Variants in TENM2 observed in about 807,000 individuals in gnomAD.
The protein encoded by TENM2 is teneurin-2.
TENM2 carries 52 observed loss-of-function variants against 245.2 expected under a neutral mutation model. The observed-to-expected ratio is 0.21, with a 90% CI of 0.17 to 0.27. The LOEUF is 0.27. Ranked by LOEUF, TENM2 falls within the 10% of genes least tolerant of loss-of-function variation. The probability of loss-of-function intolerance (pLI) is 1.00; values close to 1 mark genes in which losing one functional copy is unlikely to be tolerated. For missense variants in TENM2, 3,046 were observed against 3,666.8 expected (o/e 0.83, Z 4.37); for synonymous variants, 1,363 against 1,438.9 (o/e 0.95, Z 1.19).
At chr5:167,483,990 T>A (rs1423086335) in intron 2 of TENM2, among the ~76,000 whole-genome samples, 1 of 152,164 alleles carries the variant, frequency 6.6e-6, no homozygotes, top group Non-Finnish European at 1.5e-5. Context: ...TATGGGCTAG[T>A]GGGAGTGTAC....
At chr5:167,863,493 A>G in intron 2 of TENM2, among the ~76,000 whole-genome samples, 1 of 148,598 alleles carries the variant, frequency 6.7e-6, no homozygotes, top group African/African-American at 2.5e-5. Flanking sequence ...ACACACACAA[A>G]ATTAGCCAGG....
chr5:167,878,942 A>G (rs72835637), intron 3 of TENM2, among the ~76,000 whole-genome samples: 5,157 of 152,230 alleles, frequency 0.034, 133 homozygotes, highest in Middle Eastern at 0.068. Flanking sequence ...TTCTTAGGTG[A>G]AATAAAACAC....
chr5:167,719,916 C>G (rs78441995), intron 2 of TENM2, among the ~76,000 whole-genome samples: 5,086 of 152,054 alleles, frequency 0.033, 280 homozygotes, highest in African/African-American at 0.12. Context: ...GGTTGAGAAC[C>G]CTTGCTGTAG....
At chr5:168,034,110 CAT>C (rs1170431193) in intron 5 of TENM2, among the ~76,000 whole-genome samples, 14 of 113,370 alleles carry the variant, frequency 1.2e-4, no homozygotes, top group African/African-American at 5.8e-4. Flanking sequence ...TATATGTATA[CAT>C]ATATATGTGT....
chr5:167,996,614 C>T (rs1397293133), intron 5 of TENM2, among the ~76,000 whole-genome samples: 1 of 152,154 alleles, frequency 6.6e-6, no homozygotes, highest in Non-Finnish European at 1.5e-5. Flanking sequence ...CCAACCTCAC[C>T]TATTTTAGAC....
At position 167,627,508 on chromosome 5, in the gene TENM2, T is replaced by A. The variant is rs114275663; in HGVS notation, c.503-248478T>A. 7.0e-3 allele frequency among the ~76,000 whole-genome samples: 1,058 copies of A among 152,028 alleles called. 15 individuals carry two copies. Among genetic ancestry groups the A allele is most frequent in the African/African-American group, 0.024 (990 of 41,488 alleles). ...ATACACCCCAGTAAGTCTTTATAAATACAAGGCTTTGATTCCTTAAGACAG... is the reference window on the plus strand; with the variant it reads ...ATACACCCCAGTAAGTCTTTATAAAAACAAGGCTTTGATTCCTTAAGACAG... On this transcript the variant is annotated intron_variant, in intron 2 of 28. Transcript: ENST00000518659.
chr5:168,070,821 A>AGAGAGAGAG (rs1562121012), intron 7 of TENM2, among the ~76,000 whole-genome samples: 36 of 100,454 alleles, frequency 3.6e-4, no homozygotes, highest in African/African-American at 1.2e-3. Flanking sequence ...GAGAGAGAGA[A>AGAGAGAGAG]AAAAAGAAAG....
chr5:167,731,700 T>TG (rs1760450879), intron 2 of TENM2, among the ~76,000 whole-genome samples: 1 of 151,126 alleles, frequency 6.6e-6, no homozygotes, highest in African/African-American at 2.4e-5. Flanking sequence ...CTCAGAGGTT[T>TG]TTTTTTTTTT....
At chr5:167,619,842 C>G (rs1356999064) in intron 2 of TENM2, among the ~76,000 whole-genome samples, 2 of 152,040 alleles carry the variant, frequency 1.3e-5, no homozygotes, top group Non-Finnish European at 2.9e-5. Context: ...ATTTCAAGAC[C>G]TCTCTCTGTT....
In TENM2 at chr5:168,199,848, T is replaced by C. The variant is rs2152529627; in HGVS notation, c.3163-16T>C. 5 of 1,611,318 alleles carry C rather than the reference T, an allele frequency of 3.1e-6. No individual in the cohort carries two copies. Among genetic ancestry groups the C allele is most frequent in the South Asian group, 2.2e-5 (2 of 90,792 alleles). ...GTGTGTTTTAGGTGTGTGTCTGCCATGTGTTTCCTCTCCAGGTTCTTCATG... is the reference window on the plus strand; with the variant it reads ...GTGTGTTTTAGGTGTGTGTCTGCCACGTGTTTCCTCTCCAGGTTCTTCATG... On this transcript the variant is annotated splice_polypyrimidine_tract_variant and intron_variant, in intron 16 of 28. Transcript: ENST00000518659.
At chr5:167,994,194 T>A (rs2152016903) in intron 5 of TENM2, among the ~76,000 whole-genome samples, 1 of 152,386 alleles carries the variant, frequency 6.6e-6, no homozygotes, top group Middle Eastern at 3.4e-3. Flanking sequence ...CCTGCCCAGT[T>A]TGGCTGTGCC....
the TENM2 span, among the ~76,000 whole-genome samples, chr5:167,022,456 A>G: frequency 6.6e-6 from 1 of 152,224 alleles, no homozygotes; most frequent in African/African-American, 2.4e-5. Context: ...TATATCCCAT[A>G]CAATGTCTAG....
chr5:167,974,072 A>G (rs1343575993), intron 4 of TENM2, among the ~76,000 whole-genome samples: 4 of 5,480 alleles, frequency 7.3e-4, no homozygotes, highest in Non-Finnish European at 1.2e-3. Context: ...GGAGGGAGGG[A>G]GGAAGGAAGG....
intron 11 of TENM2, among the ~76,000 whole-genome samples, 195 bp downstream of exon 13, chr5:168,125,245 C>A (rs963007834): frequency 1.3e-5 from 2 of 152,182 alleles, no homozygotes; most frequent in African/African-American, 4.8e-5. Flanking sequence ...CAAAAAAGCA[C>A]TGGGTTGGTA....
the TENM2 span, among the ~76,000 whole-genome samples, chr5:166,992,059 ATTT>A: frequency 3.1e-4 from 46 of 147,010 alleles, no homozygotes; most frequent in African/African-American, 7.9e-4. Flanking sequence ...TCATATTCCA[ATTT>A]TTTTTTTTTT....
At chr5:167,793,840 A>G (rs1583025704) in intron 2 of TENM2, among the ~76,000 whole-genome samples, 1 of 151,650 alleles carries the variant, frequency 6.6e-6, no homozygotes, top group Non-Finnish European at 1.5e-5. Flanking sequence ...AAAAAAAAAA[A>G]GAAAAAAAAA....
intron 2 of TENM2, among the ~76,000 whole-genome samples, chr5:167,678,271 G>A (rs1396009092): frequency 6.6e-6 from 1 of 152,000 alleles, no homozygotes; most frequent in Non-Finnish European, 1.5e-5. Flanking sequence ...TTTGTAATCA[G>A]GGAAAAGTAA....
At chr5:167,500,377 T>C (rs797000758) in intron 2 of TENM2, among the ~76,000 whole-genome samples, 26 of 152,246 alleles carry the variant, frequency 1.7e-4, no homozygotes, top group African/African-American at 6.3e-4. Flanking sequence ...TGCTTCATTA[T>C]TATGAAGGCA....
At chr5:168,036,806 A>G (rs1412555794) in intron 5 of TENM2, among the ~76,000 whole-genome samples, 1 of 150,332 alleles carries the variant, frequency 6.7e-6, no homozygotes, top group African/African-American at 2.5e-5. Context: ...CACAAATTCA[A>G]AATAAGTCTA....
Sources: allele counts gnomAD v4.1 joint callset (sites outside exome capture counted in the v4.1 genomes callset), GRCh38; gene constraint gnomAD v4.1.1; transcripts MANE v1.5; gene names NCBI Gene and HGNC (gene_info 2026-07-23, HGNC 2026-07-21).